Variants in RHBDD1 observed in about 807,000 individuals in gnomAD.
The protein encoded by RHBDD1 is rhomboid-related protein 4.
Under a neutral mutation model 36.3 loss-of-function variants are expected in RHBDD1, and 38 were observed. That is an observed-to-expected ratio of 1.05 (90% CI 0.81 to 1.37). RHBDD1 has a LOEUF of 1.37. Ranked by LOEUF, RHBDD1 falls within the 40% of genes most tolerant of loss-of-function variation. The pLI is 0.00. For synonymous variants in RHBDD1, 151 were observed against 136.5 expected, an observed-to-expected ratio of 1.11 and a Z score of -0.74; for missense variants, 393 against 377.6, an observed-to-expected ratio of 1.04 and a Z score of -0.34.
the RHBDD1 span, among the ~76,000 whole-genome samples, chr2:226,815,146 T>G: frequency 1.3e-5 from 2 of 152,228 alleles, no homozygotes; most frequent in Non-Finnish European, 1.5e-5. Flanking sequence ...ATCTGATCAC[T>G]TTCCAAGTAT....
intron 3 of RHBDD1, among the ~76,000 whole-genome samples, chr2:226,843,483 A>G (rs1941893271): frequency 6.6e-6 from 1 of 151,980 alleles, no homozygotes; most frequent in African/African-American, 2.4e-5. Flanking sequence ...ACATGAAGGG[A>G]TGTTGAATTT....
chr2:226,897,772 AC>A (rs966677396), intron 5 of RHBDD1, among the ~76,000 whole-genome samples: 5 of 152,112 alleles, frequency 3.3e-5, no homozygotes, highest in Admixed American at 1.3e-4. Flanking sequence ...GGAGTTCGAG[AC>A]CAGCCTGACC....
At chr2:226,967,592 C>T (rs1226593095) in intron 8 of RHBDD1, among the ~76,000 whole-genome samples, 1 of 143,666 alleles carries the variant, frequency 7.0e-6, no homozygotes, top group Non-Finnish European at 1.5e-5. Context: ...TCATGATAAC[C>T]TATTAGTGGA....
chr2:226,884,858 C>T (rs1443165634), intron 5 of RHBDD1, among the ~76,000 whole-genome samples: 1 of 151,966 alleles, frequency 6.6e-6, no homozygotes, highest in Non-Finnish European at 1.5e-5. Context: ...ATTTTAATTT[C>T]TAAGCATAAA....
At chr2:226,883,161 T>G (rs1336249678) in intron 5 of RHBDD1, among the ~76,000 whole-genome samples, 4 of 152,258 alleles carry the variant, frequency 2.6e-5, no homozygotes, top group Non-Finnish European at 5.9e-5. Flanking sequence ...ATAAAATCAT[T>G]CCTGAACATC....
chr2:226,859,054 C>G (rs776781500), intron 3 of RHBDD1, among the ~76,000 whole-genome samples: 11 of 152,146 alleles, frequency 7.2e-5, no homozygotes, highest in Non-Finnish European at 1.2e-4. Flanking sequence ...AAAGTTGTTA[C>G]AATTTCAGGA....
At chr2:226,873,874 T>C (rs1034722177) in intron 5 of RHBDD1, among the ~76,000 whole-genome samples, 1 of 152,156 alleles carries the variant, frequency 6.6e-6, no homozygotes, top group African/African-American at 2.4e-5. Context: ...GTTTTCACAC[T>C]GCTATAAAGA....
chr2:226,820,644 CAAAAAAA>C, the RHBDD1 span, among the ~76,000 whole-genome samples: 1,106 of 63,398 alleles, frequency 0.017, 5 homozygotes, highest in Middle Eastern at 0.029. Flanking sequence ...TCCATCTCCA[CAAAAAAA>C]AAAAAAAAAA....
chr2:226,884,490 C>G (rs1353733859), intron 5 of RHBDD1, among the ~76,000 whole-genome samples: 1 of 151,944 alleles, frequency 6.6e-6, no homozygotes, highest in Non-Finnish European at 1.5e-5. Flanking sequence ...ACATTGTTCC[C>G]CCCTGAATTC....
intron 8 of RHBDD1, among the ~76,000 whole-genome samples, chr2:226,936,600 A>T (rs4673174): frequency 0.46 from 69,885 of 151,886 alleles, 16,319 homozygotes; most frequent in African/African-American, 0.53. Context: ...AAATGTAATG[A>T]ATTAATTCTA....
chr2:226,845,228 CAG>C (rs2125021042), intron 3 of RHBDD1, among the ~76,000 whole-genome samples: 1 of 152,246 alleles, frequency 6.6e-6, no homozygotes, highest in African/African-American at 2.4e-5. Flanking sequence ...TGTAGGGTCA[CAG>C]AAAGTCATGG....
intron 8 of RHBDD1, among the ~76,000 whole-genome samples, chr2:226,959,854 G>A (rs185741312): frequency 9.9e-5 from 15 of 151,908 alleles, no homozygotes; most frequent in African/African-American, 2.2e-4. Flanking sequence ...ATGGAGTCTC[G>A]CTGTGTTGCC....
the RHBDD1 span, among the ~76,000 whole-genome samples, chr2:226,810,540 C>CAAAAAAA: frequency 7.6e-3 from 256 of 33,870 alleles, 27 homozygotes; most frequent in African/African-American, 0.017. Context: ...GACTCCGTCT[C>CAAAAAAA]AAAAAAAAAA....
intron 5 of RHBDD1, among the ~76,000 whole-genome samples, chr2:226,871,470 T>G (rs1229405963): frequency 6.6e-6 from 1 of 152,228 alleles, no homozygotes; most frequent in Non-Finnish European, 1.5e-5. Flanking sequence ...GTGTTCAAAA[T>G]GTCTTTAATA....
chr2:226,820,413 G>A, the RHBDD1 span, among the ~76,000 whole-genome samples: 1 of 152,040 alleles, frequency 6.6e-6, no homozygotes, highest in Non-Finnish European at 1.5e-5. Flanking sequence ...TAGGCTAATA[G>A]CCAGTTATCA....
chr2:226,921,651 C>G lies in RHBDD1; in HGVS notation c.856+7300C>G, dbSNP rs373818765. On this transcript the variant is annotated intron_variant, in intron 8 of 8. Coordinates refer to ENST00000392062, the MANE Select transcript of RHBDD1 (RefSeq NM_001167608.3). ...TGTATTTGTCTAGTTTCCAAAATTCCTCTTTTTAGTGATTTCTAATCTTAT... is the reference window on the plus strand; with the variant it reads ...TGTATTTGTCTAGTTTCCAAAATTCGTCTTTTTAGTGATTTCTAATCTTAT... Among the ~76,000 whole-genome samples, 48 of 152,206 alleles carry G rather than the reference C, an allele frequency of 3.2e-4. No individual in the cohort carries two copies. In the South Asian group the frequency reaches 8.9e-3, roughly 28 times the overall value.
intron 8 of RHBDD1, among the ~76,000 whole-genome samples, chr2:226,950,916 C>T (rs941398170): frequency 2.0e-4 from 30 of 152,124 alleles, no homozygotes; most frequent in African/African-American, 7.2e-4. Context: ...TTTTCCCATT[C>T]CATCAGTTGT....
upstream of RHBDD1, among the ~76,000 whole-genome samples, chr2:226,833,266 C>G (rs1053580543): frequency 6.6e-6 from 1 of 152,184 alleles, no homozygotes; most frequent in Non-Finnish European, 1.5e-5. Context: ...GTAATCAATA[C>G]TTGGTTCATT....
At chr2:226,823,656 A>G in the RHBDD1 span, among the ~76,000 whole-genome samples, 2 of 152,356 alleles carry the variant, frequency 1.3e-5, no homozygotes, top group South Asian at 4.1e-4. Flanking sequence ...AGATACACCT[A>G]TCTTAGTCCA....
Sources: gnomAD v4.1 joint callset for allele counts (sites outside exome capture counted in the v4.1 genomes callset) on GRCh38, gnomAD v4.1.1 for gene constraint, MANE v1.5 for transcripts, NCBI Gene and HGNC (gene_info 2026-07-23, HGNC 2026-07-21) for gene names.